KIF13A: variants seen among roughly 807,000 people sequenced by gnomAD.
KIF13A encodes the protein kinesin-like protein KIF13A.
KIF13A carries 79 observed loss-of-function variants against 212.2 expected under a neutral mutation model. The ratio of observed to expected loss-of-function variants is 0.37; its 90% confidence interval spans 0.31 to 0.45. KIF13A has a LOEUF of 0.45. Among genes scored for constraint, KIF13A ranks in the 20% least tolerant of loss-of-function variants. The pLI is 1.00. For missense variants in KIF13A, 1,901 were observed against 2,209.0 expected, an observed-to-expected ratio of 0.86 and a Z score of 2.79; for synonymous variants, 789 against 808.6, an observed-to-expected ratio of 0.98 and a Z score of 0.41.
intron 2 of KIF13A, among the ~76,000 whole-genome samples, chr6:17,923,165 T>G (rs186525476): frequency 1.1e-4 from 17 of 151,742 alleles, no homozygotes; most frequent in Admixed American, 1.3e-4. Flanking sequence ...TCCCAGTTAC[T>G]CAGGAGGCTG....
Position 17,984,830 on chromosome 6 carries a change from C to T in KIF13A, c.146+2224G>A, listed in dbSNP as rs943384742. On this transcript the variant is annotated intron_variant, in intron 2 of 38. Transcript: ENST00000259711. This position sits in a 1 kb window ranked among gnomAD's most constrained non-coding sequence, Gnocchi z 5.0. ...ATAATAACATTCTCAGTATTCTACT[C>T]TTCACCTTTGCCCTGCCCTGAGCAC... 5.9e-5 allele frequency among the ~76,000 whole-genome samples: 9 copies of T among 152,322 alleles called. No homozygotes were observed. Among genetic ancestry groups the T allele is most frequent in the Non-Finnish European group, 8.8e-5 (6 of 68,032 alleles).
chr6:17,807,924 A>G (rs1763108825), intron 18 of KIF13A, among the ~76,000 whole-genome samples: 1 of 152,218 alleles, frequency 6.6e-6, no homozygotes, highest in Non-Finnish European at 1.5e-5. Context: ...CCTGATAAAC[A>G]ACAACAGCAA....
chr6:17,888,735 G>A lies in KIF13A; in HGVS notation c.159+9433C>T, dbSNP rs1046906315. Among the ~76,000 whole-genome samples the A allele has an allele frequency of 2.0e-5, 3 of 152,104 alleles. No individual in the cohort carries two copies. Among genetic ancestry groups the A allele is most frequent in the Non-Finnish European group, 4.4e-5 (3 of 68,022 alleles). On this transcript the variant is annotated intron_variant, in intron 3 of 38. Transcript: ENST00000259711. The surrounding 1 kb of genome is among the most constrained non-coding windows in gnomAD (Gnocchi z 4.8). ...ACCTACTTGGAAGGCTGAGGTGAGA[G>A]AATTGCTTGAACCTAGGAGGTGGAG...
Position 17,783,693 on chromosome 6 carries a change from G to A in KIF13A, c.3497C>T (p.Pro1166Leu), listed in dbSNP as rs750627392. ...IPGAPADWIP[P>L]PGMETHIPVL... is the part of the protein sequence containing the mutation. ...TGGTATGTGGGTTTCCATTCCAGGA[G>A]GTGGGATCCTAAATTTAATAACAAC... Residue 1166 changes from proline to leucine, a missense_variant, in exon 29 of 39, where the codon CCT (proline) becomes CTT (leucine). Around this residue, in one of 5 missense-constraint regions of KIF13A, gnomAD observed 168 missense variants for 250.9 expected, o/e 0.67. Transcript: ENST00000259711. The surrounding 1 kb of genome is among the most constrained non-coding windows in gnomAD (Gnocchi z 4.3). 1.1e-5 allele frequency: 17 copies of A among 1,571,310 alleles called. No homozygotes were observed. In the Admixed American group the frequency reaches 3.1e-4, roughly 28 times the overall value.
At chr6:17,889,327 C>G (rs2150466416) in intron 3 of KIF13A, among the ~76,000 whole-genome samples, 1 of 152,224 alleles carries the variant, frequency 6.6e-6, no homozygotes, top group East Asian at 1.9e-4. Flanking sequence ...TTGCCAAAAA[C>G]TTATAAACAT....
chr6:17,911,277 A>T (rs1402956910), intron 2 of KIF13A, among the ~76,000 whole-genome samples: 1 of 152,186 alleles, frequency 6.6e-6, no homozygotes, highest in Non-Finnish European at 1.5e-5. Context: ...GAGGGGTGAA[A>T]CCCAGAGTAG....
In KIF13A at chr6:17,957,862, CCAGA is replaced by C. The variant is rs1388800733; in HGVS notation, c.146+29188_146+29191del. ...TTTAAAGACATGATGTGTCTCATGG[CCAGA>C]CAGAGTTGTTTGGTGTTTTTCCTCT... On this transcript the variant is annotated intron_variant, in intron 2 of 38. Transcript: ENST00000259711. Among the ~76,000 whole-genome samples, 4 of 152,284 alleles carry C rather than the reference CCAGA, an allele frequency of 2.6e-5. No homozygotes were observed. The East Asian group carries it at 7.7e-4, about 29-fold the overall frequency.
rs149506693 is a variant in KIF13A at position 17,844,000 on chromosome 6, G to A, written c.830+5377C>T. Reference sequence around the variant, plus strand: ...ATGGAGGTCGCAGTGAGCCGAGATCGTGCCACTGTACTCCAGCCTGGGTGA... The same window carrying A: ...ATGGAGGTCGCAGTGAGCCGAGATCATGCCACTGTACTCCAGCCTGGGTGA... On this transcript the variant is annotated intron_variant, in intron 9 of 38. Coordinates refer to ENST00000259711, the MANE Select transcript of KIF13A (RefSeq NM_022113.6). This position sits in a 1 kb window ranked among gnomAD's most constrained non-coding sequence, Gnocchi z 5.3. Among the ~76,000 whole-genome samples, 1,977 of 150,454 alleles carry A rather than the reference G, an allele frequency of 0.013. 42 individuals carry two copies. Among genetic ancestry groups the A allele is most frequent in the Non-Finnish European group, 0.016 (1,093 of 67,804 alleles).
rs374282952 is a variant in KIF13A at position 17,971,452 on chromosome 6, C to T, written c.146+15602G>A. On this transcript the variant is annotated intron_variant, in intron 2 of 38. Transcript: ENST00000259711. This position sits in a 1 kb window ranked among gnomAD's most constrained non-coding sequence, Gnocchi z 4.2. ...TTCCTTTTTTTTTGACACAGGGTCT[C>T]ACTCTGTCGCCCAGGCTGGAGTGCA... 2.6e-5 allele frequency among the ~76,000 whole-genome samples: 4 copies of T among 151,874 alleles called. No homozygotes were observed. Among genetic ancestry groups the T allele is most frequent in the South Asian group, 4.2e-4 (2 of 4,816 alleles).
intron 2 of KIF13A, among the ~76,000 whole-genome samples, chr6:17,953,178 T>G (rs1385966006): frequency 6.6e-6 from 1 of 152,140 alleles, no homozygotes; most frequent in Non-Finnish European, 1.5e-5. Flanking sequence ...CACCCATCTA[T>G]TAACATGGAA....
chr6:17,773,029 G>A lies in KIF13A; in HGVS notation c.4324+449C>T, dbSNP rs1186655976. 6.6e-6 allele frequency among the ~76,000 whole-genome samples: 1 copy of A among 152,172 alleles called. No homozygotes were observed. Among genetic ancestry groups the A allele is most frequent in the African/African-American group, 2.4e-5 (1 of 41,440 alleles). ...GTTCCCATTAAGGCACTGGTAGACT[G>A]TATAATTTAGGTAATAATGTCACCA... On this transcript the variant is annotated intron_variant, in intron 36 of 38. Transcript: ENST00000259711. The surrounding 1 kb of genome is among the most constrained non-coding windows in gnomAD (Gnocchi z 4.2).
chr6:17,800,859 A>G (rs1029674637), intron 20 of KIF13A, among the ~76,000 whole-genome samples: 1 of 151,848 alleles, frequency 6.6e-6, no homozygotes, highest in African/African-American at 2.4e-5. Flanking sequence ...TCGGCCTCCC[A>G]AAGTGCTGGG....
chr6:17,987,073 T>C lies in KIF13A; in HGVS notation c.127A>G (p.Asn43Asp). 1.2e-6 allele frequency: 2 copies of C among 1,613,376 alleles called. No individual in the cohort carries two copies. The highest frequency in any genetic ancestry group is 2.2e-5 in the South Asian group (2 of 91,056). ...NQTVLHPPPS[N>D]TKQGERKPPK... is the part of the protein sequence containing the mutation. ...CTTTACCTTTCTCCCTGTTTGGTGTTAGAAGGAGGAGGGTGCAGGACCGTT... is the reference window on the plus strand; with the variant it reads ...CTTTACCTTTCTCCCTGTTTGGTGTCAGAAGGAGGAGGGTGCAGGACCGTT... The change falls in exon 2 of 39, where the codon AAC becomes GAC. Residue 43 changes from asparagine to aspartate, a missense_variant. Asn to Asp is a conservative substitution (Grantham distance 23). Coordinates refer to ENST00000259711, the MANE Select transcript of KIF13A (RefSeq NM_022113.6). The surrounding 1 kb of genome is among the most constrained non-coding windows in gnomAD (Gnocchi z 7.7).
rs1337658429 is a variant in KIF13A at position 17,856,698 on chromosome 6, C to T, written c.221-576G>A. ...TTTTGTGAATCTCTGTATCACACTGCAGCTCTTGGGGGCATTGTGTCATGT... is the reference window on the plus strand; with the variant it reads ...TTTTGTGAATCTCTGTATCACACTGTAGCTCTTGGGGGCATTGTGTCATGT... On this transcript the variant is annotated intron_variant, in intron 4 of 38. Transcript: ENST00000259711. This position sits in a 1 kb window ranked among gnomAD's most constrained non-coding sequence, Gnocchi z 4.5. Among the ~76,000 whole-genome samples the T allele has an allele frequency of 6.6e-6, 1 of 152,184 alleles. No individual in the cohort carries two copies. Among genetic ancestry groups the T allele is most frequent in the Non-Finnish European group, 1.5e-5 (1 of 68,040 alleles).
At chr6:17,766,442 T>C (rs1168099000) in intron 38 of KIF13A, among the ~76,000 whole-genome samples, 1 of 152,118 alleles carries the variant, frequency 6.6e-6, no homozygotes, top group East Asian at 1.9e-4. Context: ...TTCTCCATGT[T>C]GGTCAGGCTT....
rs1179551001 is a variant in KIF13A, at chr6:17,772,180, A to G, written c.4325-121T>C. The stretch of plus-strand genomic sequence containing the variant: ...AGAACAATGAAATTCATAGGCTAAT[A>G]TTTGGCTAAGCATTAAAACAGATGT... On this transcript the variant is annotated intron_variant, in intron 36 of 38. Transcript: ENST00000259711. The surrounding 1 kb of genome is among the most constrained non-coding windows in gnomAD (Gnocchi z 4.8). 1 of 946,922 alleles carries G rather than the reference A, an allele frequency of 1.1e-6. No homozygotes were observed. The highest frequency in any genetic ancestry group is 1.6e-6 in the Non-Finnish European group (1 of 628,262). 58.7% of individuals were successfully genotyped at this position (946,922 alleles called of 1,614,324 possible).
intron 2 of KIF13A, 118 bp downstream of exon 2, chr6:17,986,936 G>T: frequency 3.0e-6 from 2 of 667,688 alleles, no homozygotes; most frequent in South Asian, 1.8e-5. Flanking sequence ...AGGAGCCGGC[G>T]ACAAACTTGA....
In KIF13A at chr6:17,856,062, T is replaced by A; in HGVS notation, c.281A>T (p.Tyr94Phe). 2 of 1,613,646 alleles carry A rather than the reference T, an allele frequency of 1.2e-6. No individual in the cohort carries two copies. The highest frequency in any genetic ancestry group is 1.7e-6 in the Non-Finnish European group (2 of 1,179,622). Residue 94 changes from tyrosine to phenylalanine, a missense_variant, in exon 5 of 39, where the codon TAT becomes TTT. Coordinates refer to ENST00000259711, the MANE Select transcript of KIF13A (RefSeq NM_022113.6). This position sits in a 1 kb window ranked among gnomAD's most constrained non-coding sequence, Gnocchi z 4.5. ...TCCATATGCAAAAATACACGCATTA[T>A]ACCCCTGAAAGGCTTTTTCAAGAAT... The part of the protein sequence containing the change: ...EGILEKAFQG[Y>F]NACIFAYGQT...
chr6:17,813,527 C>T (rs535004877), intron 17 of KIF13A, among the ~76,000 whole-genome samples: 47 of 152,156 alleles, frequency 3.1e-4, no homozygotes, highest in Non-Finnish European at 6.3e-4. Flanking sequence ...GATAAATCTT[C>T]CTATTTCAGT....
Sources: allele counts gnomAD v4.1 joint callset (sites outside exome capture counted in the v4.1 genomes callset), GRCh38; gene constraint gnomAD v4.1.1; regional missense constraint gnomAD v4.1.1; non-coding constraint Gnocchi (gnomAD v3.1); transcripts MANE v1.5; gene names NCBI Gene and HGNC (gene_info 2026-07-23, HGNC 2026-07-21).